Variants in SEPTIN9 observed in about 807,000 individuals in gnomAD.
SEPTIN9 encodes septin 9.
Under a neutral mutation model 56.6 loss-of-function variants are expected in SEPTIN9, and 13 were observed. The observed-to-expected ratio is 0.23, with a 90% CI of 0.15 to 0.37. The LOEUF (loss-of-function observed/expected upper bound fraction) is 0.37. Ranked by LOEUF, SEPTIN9 falls within the 10% of genes least tolerant of loss-of-function variation. The pLI, the probability that SEPTIN9 is intolerant of heterozygous loss-of-function variation, is 1.00. For missense variants in SEPTIN9, 650 were observed against 823.1 expected (o/e 0.79, Z 2.57); for synonymous variants, 332 against 334.1 (o/e 0.99, Z 0.07).
At chr17:77,341,900 A>T (rs1461968195) in intron 2 of SEPTIN9, among the ~76,000 whole-genome samples, 2 of 148,834 alleles carry the variant, frequency 1.3e-5, no homozygotes, top group South Asian at 4.2e-4. Context: ...GGCTAACACG[A>T]TGAAACCCCG....
At position 77,313,037 on chromosome 17, in the gene SEPTIN9, G is replaced by C; in HGVS notation, c.76+5840G>C. On this transcript the variant is annotated intron_variant, in intron 2 of 11. Transcript: ENST00000427177. The surrounding 1 kb of genome is among the most constrained non-coding windows in gnomAD (Gnocchi z 4.5). ...TTCACGTTGGATCCACAAATTCATT[G>C]TTTATCCAGTGAACGGTTACTGGGC... 6.6e-6 allele frequency among the ~76,000 whole-genome samples: 1 copy of C among 152,100 alleles called. No individual in the cohort carries two copies. The highest frequency in any genetic ancestry group is 1.5e-5 in the Non-Finnish European group (1 of 68,024).
At chr17:77,320,816 C>T (rs2143655934) in intron 2 of SEPTIN9, among the ~76,000 whole-genome samples, 1 of 152,358 alleles carries the variant, frequency 6.6e-6, no homozygotes, top group East Asian at 1.9e-4. Flanking sequence ...ATTTCTGTGC[C>T]TTCCTGGCAG....
intron 2 of SEPTIN9, among the ~76,000 whole-genome samples, chr17:77,342,853 G>A (rs947670993): frequency 6.6e-6 from 1 of 152,056 alleles, no homozygotes; most frequent in African/African-American, 2.4e-5. Context: ...GTGTGCCTGC[G>A]GTTCCAGCTA....
intron 2 of SEPTIN9, among the ~76,000 whole-genome samples, chr17:77,352,809 G>A (rs1327429319): frequency 2.6e-5 from 4 of 152,136 alleles, no homozygotes; most frequent in South Asian, 4.2e-4. Context: ...GGACACAGGC[G>A]CACGCCACCA....
chr17:77,308,352 G>A lies in SEPTIN9; in HGVS notation c.76+1155G>A, dbSNP rs576715454. On this transcript the variant is annotated intron_variant, in intron 2 of 11. Coordinates refer to ENST00000427177, the MANE Select transcript of SEPTIN9 (RefSeq NM_001113491.2). The stretch of plus-strand genomic sequence containing the variant: ...GCCTTCAGAACAAGGTGAGACAGCC[G>A]TCCTGCCAGGACAAGGCGCCTACGG... Among the ~76,000 whole-genome samples the A allele has an allele frequency of 1.2e-4, 19 of 152,350 alleles. No homozygotes were observed. The South Asian group carries it at 2.3e-3, about 18-fold the overall frequency.
In SEPTIN9 at chr17:77,475,975, G is replaced by A. The variant is rs41282089; in HGVS notation, c.722-6169G>A. On this transcript the variant is annotated intron_variant, in intron 3 of 11. Coordinates refer to ENST00000427177, the MANE Select transcript of SEPTIN9 (RefSeq NM_001113491.2). The surrounding 1 kb of genome is among the most constrained non-coding windows in gnomAD (Gnocchi z 4.6). ...GTGGGTTGGGTTTGGGGAAGACAGG[G>A]GAATGGCATTGACTTGACCCTGAGC... 14,342 of 1,500,314 alleles carry A rather than the reference G, an allele frequency of 9.6e-3. 104 individuals are homozygous for A. Among genetic ancestry groups the A allele is most frequent in the Middle Eastern group, 0.024 (136 of 5,648 alleles). The allele number at this position is 1,500,314 out of a possible 1,614,324, so 92.9% of individuals were successfully genotyped here.
chr17:77,390,013 G>T (rs569728369), intron 2 of SEPTIN9, among the ~76,000 whole-genome samples: 2 of 152,164 alleles, frequency 1.3e-5, no homozygotes, highest in Non-Finnish European at 2.9e-5. Flanking sequence ...AGGGGCACGC[G>T]GTAGATGACG....
intron 3 of SEPTIN9, among the ~76,000 whole-genome samples, chr17:77,415,914 G>T (rs920286642): frequency 6.6e-6 from 1 of 152,256 alleles, no homozygotes; most frequent in Non-Finnish European, 1.5e-5. Flanking sequence ...GCTGGGGCAA[G>T]GTGTGTCAGG....
chr17:77,344,192 AAC>A (rs1491005423), intron 2 of SEPTIN9, among the ~76,000 whole-genome samples: 1 of 152,164 alleles, frequency 6.6e-6, no homozygotes, highest in East Asian at 1.9e-4. Context: ...AACAAAAAAA[AAC>A]AACCCAGTGA....
chr17:77,406,773 C>G (rs946948867), intron 3 of SEPTIN9, among the ~76,000 whole-genome samples: 1 of 152,024 alleles, frequency 6.6e-6, no homozygotes, highest in Non-Finnish European at 1.5e-5. Flanking sequence ...CAGGTTCAAG[C>G]GATTCTTCTG....
rs1425469287 is a variant in SEPTIN9 at position 77,389,557 on chromosome 17, G to T, written c.77-12502G>T. Among the ~76,000 whole-genome samples the T allele has an allele frequency of 6.6e-6, 1 of 152,094 alleles. No individual in the cohort carries two copies. The highest frequency in any genetic ancestry group is 2.4e-5 in the African/African-American group (1 of 41,408). On this transcript the variant is annotated intron_variant, in intron 2 of 11. Transcript: ENST00000427177. The surrounding 1 kb of genome is among the most constrained non-coding windows in gnomAD (Gnocchi z 4.3). ...CCAGGGCCTCGCTCCTGCCTTCAGC[G>T]ACAGCCATTTATCAGGGAGTCTTTG...
At chr17:77,292,618 C>G (rs371630726) in intron 1 of SEPTIN9, among the ~76,000 whole-genome samples, 2 of 152,226 alleles carry the variant, frequency 1.3e-5, no homozygotes, top group East Asian at 3.9e-4. Context: ...TTCAGCCTCC[C>G]AAGTAGCTGG....
intron 2 of SEPTIN9, among the ~76,000 whole-genome samples, chr17:77,378,664 A>G (rs147472978): frequency 6.6e-6 from 1 of 152,320 alleles, no homozygotes; most frequent in African/African-American, 2.4e-5. Flanking sequence ...CACGGCAGAC[A>G]CTAGTGCCAG....
At position 77,494,387 on chromosome 17, in the gene SEPTIN9, A is replaced by C. The variant is rs142710833; in HGVS notation, c.1573+1311A>C. On this transcript the variant is annotated intron_variant, in intron 10 of 11. Coordinates refer to ENST00000427177, the MANE Select transcript of SEPTIN9 (RefSeq NM_001113491.2). ...TGGAAGAGGGGAAGGTGCAGAGGGA[A>C]ATGCAGCAGGAAAAGCCACTTTGTT... 6.2e-3 allele frequency among the ~76,000 whole-genome samples: 937 copies of C among 152,290 alleles called. 5 individuals are homozygous for C. Among genetic ancestry groups the C allele is most frequent in the African/African-American group, 0.021 (870 of 41,556 alleles).
intron 2 of SEPTIN9, among the ~76,000 whole-genome samples, chr17:77,360,143 G>A (rs2034367455): frequency 7.5e-6 from 1 of 132,564 alleles, no homozygotes; most frequent in South Asian, 2.4e-4. Context: ...GAGAAAAAAA[G>A]CAAAACTCTG....
chr17:77,343,410 C>T (rs2033798007), intron 2 of SEPTIN9, among the ~76,000 whole-genome samples: 2 of 152,208 alleles, frequency 1.3e-5, no homozygotes, highest in African/African-American at 4.8e-5. Context: ...CCCGTGGAAG[C>T]TCCATGCCGC....
chr17:77,438,109 G>A lies in SEPTIN9; in HGVS notation c.721+35406G>A, dbSNP rs191057633. Among the ~76,000 whole-genome samples the A allele has an allele frequency of 3.9e-3, 587 of 152,338 alleles. 1 individual carries two copies. The highest frequency in any genetic ancestry group is 0.012 in the African/African-American group (519 of 41,590). On this transcript the variant is annotated intron_variant, in intron 3 of 11. Coordinates refer to ENST00000427177, the MANE Select transcript of SEPTIN9 (RefSeq NM_001113491.2). ...GGGGGGTGCTCCTGGCCTTGTGACC[G>A]AAAGGAGCTGAAGGTTTGGAGAAGC...
intron 3 of SEPTIN9, chr17:77,454,445 C>A: frequency 1.1e-6 from 1 of 873,150 alleles, no homozygotes; most frequent in Non-Finnish European, 1.4e-6. Flanking sequence ...CATGCCCAGT[C>A]CGCTGTACGT....
chr17:77,445,530 G>T lies in SEPTIN9; in HGVS notation c.722-36614G>T, dbSNP rs1205513034. 9.8e-6 allele frequency: 4 copies of T among 406,724 alleles called. No homozygotes were observed. The highest frequency in any genetic ancestry group is 7.3e-5 in the East Asian group (1 of 13,772). The allele number at this position is 406,724 out of a possible 1,614,324, so 25.2% of individuals were successfully genotyped here. A position where few individuals can be genotyped will look rare whatever the true frequency, so the allele number is the denominator to read the frequency against. ...TTGGTGCATGTGTGCACGCACGTGT[G>T]TGTGTGTGTGCGTGCGTGCTGGGTG... On this transcript the variant is annotated intron_variant, in intron 3 of 11. Transcript: ENST00000427177. The surrounding 1 kb of genome is among the most constrained non-coding windows in gnomAD (Gnocchi z 4.7).
Sources: gnomAD v4.1 joint callset for allele counts (sites outside exome capture counted in the v4.1 genomes callset) on GRCh38, gnomAD v4.1.1 for gene constraint, Gnocchi (gnomAD v3.1) non-coding constraint, MANE v1.5 for transcripts, NCBI Gene and HGNC (gene_info 2026-07-23, HGNC 2026-07-21) for gene names.